MDN1: variants seen among roughly 807,000 people sequenced by gnomAD.
MDN1 encodes the protein midasin AAA ATPase 1.
MDN1 carries 266 observed loss-of-function variants against 669.2 expected under a neutral mutation model. That is an observed-to-expected ratio of 0.40 (90% CI 0.36 to 0.44). The LOEUF is 0.44. Among genes scored for constraint, MDN1 ranks in the 20% least tolerant of loss-of-function variants. MDN1 has a pLI of 1.00. For missense variants in MDN1, 5,940 were observed against 6,754.0 expected (o/e 0.88, Z 4.22); for synonymous variants, 2,385 against 2,457.1 (o/e 0.97, Z 0.87).
Position 89,732,741 on chromosome 6 carries a change from A to G in MDN1, c.4758T>C (p.Ile1586=). 6.2e-7 allele frequency: 1 copy of G among 1,614,140 alleles called. No homozygotes were observed. The highest frequency in any genetic ancestry group is 8.5e-7 in the Non-Finnish European group (1 of 1,180,002). The part of the protein sequence containing the change: ...SDIPEVMLDF[I]DWLTHQEFGR... ...CAAACTCTTGGTGGGTCAGCCAGTC[A>G]ATGAAATCCAGCATCACTTCAGGTA... Residue 1586 remains isoleucine, a synonymous_variant, in exon 34 of 102, where the codon ATT becomes ATC. Transcript: ENST00000369393.
At chr6:89,688,863 C>T (rs1812196240) in intron 65 of MDN1, 55 bp from the exon 66 acceptor site, 1 of 1,453,716 alleles carries the variant, frequency 6.9e-7, no homozygotes, top group Non-Finnish European at 9.6e-7. Flanking sequence ...GATCTATCAA[C>T]ATGTCAAAAA....
intron 2 of MDN1, among the ~76,000 whole-genome samples, chr6:89,802,015 T>C (rs1421427715): frequency 1.3e-5 from 2 of 152,114 alleles, no homozygotes; most frequent in Non-Finnish European, 2.9e-5. Context: ...TCTAACTTTC[T>C]GAAACTGTCT....
At position 89,684,968 on chromosome 6, in the gene MDN1, G is replaced by A. The variant is rs759453591; in HGVS notation, c.11737C>T (p.Leu3913=). ...TTGTAATAATGGTACAAATTCCATA[G>A]AACACTGCAAAGTGAATCTGGAAGA... The part of the protein sequence containing the change: ...VEGKDSLCSV[L]WNLYHYYKQF... The change falls in exon 71 of 102, where the codon CTA becomes TTA. Residue 3913 remains leucine, a synonymous_variant. Coordinates refer to ENST00000369393, the MANE Select transcript of MDN1 (RefSeq NM_014611.3). 2.5e-6 allele frequency: 4 copies of A among 1,611,744 alleles called. No homozygotes were observed. The highest frequency in any genetic ancestry group is 3.4e-6 in the Non-Finnish European group (4 of 1,178,124).
In MDN1 at chr6:89,738,423, T is replaced by C; in HGVS notation, c.4626A>G (p.Glu1542=). 1.2e-6 allele frequency: 2 copies of C among 1,614,150 alleles called. No individual in the cohort carries two copies. The highest frequency in any genetic ancestry group is 1.7e-6 in the Non-Finnish European group (2 of 1,180,008). Residue 1542 remains glutamate, a synonymous_variant, in exon 33 of 102, where the codon GAA becomes GAG. Transcript: ENST00000369393. ...LSPALRNRFT[E]IWCPQSTSRE... ...GGCTTGTGCTTTGAGGGCACCATAT[T>C]TCTGTAAACCGGTTTCTTAAGGCAG...
chr6:89,778,055 C>T (rs1818440575), intron 11 of MDN1, among the ~76,000 whole-genome samples: 2 of 152,144 alleles, frequency 1.3e-5, no homozygotes, highest in Non-Finnish European at 2.9e-5. Flanking sequence ...GATAAATTGT[C>T]TCTGTCTAGG....
chr6:89,652,706 G>GGTT (rs944373754), intron 94 of MDN1, among the ~76,000 whole-genome samples: 11 of 152,150 alleles, frequency 7.2e-5, no homozygotes, highest in Admixed American at 6.5e-4. Flanking sequence ...ACACAAGGAT[G>GGTT]GTTAGAAAAG....
intron 31 of MDN1, 108 bp from the exon 32 acceptor site, chr6:89,740,486 T>G: frequency 3.6e-6 from 4 of 1,110,778 alleles, no homozygotes; most frequent in Non-Finnish European, 4.9e-6. Context: ...TTCTACTGAA[T>G]TTTTACTTTA....
In MDN1 at chr6:89,664,631, AC is replaced by A. The variant is rs1298188775; in HGVS notation, c.14095-4del. 2.5e-6 allele frequency: 4 copies of A among 1,601,714 alleles called. No homozygotes were observed. In the Admixed American group the frequency reaches 6.9e-5, roughly 27 times the overall value. On this transcript the variant is annotated splice_polypyrimidine_tract_variant and splice_region_variant and intron_variant, in intron 84 of 101. Coordinates refer to ENST00000369393, the MANE Select transcript of MDN1 (RefSeq NM_014611.3). ...CCCTTCTGAAATGTATCTTCCACCT[AC>A]ATAAAGAAGTATTAAACATAAATAA...
intron 50 of MDN1, 121 bp from the exon 51 acceptor site, chr6:89,708,749 G>C: frequency 3.8e-6 from 4 of 1,059,270 alleles, no homozygotes; most frequent in South Asian, 3.0e-5. Flanking sequence ...ATGGGGAAGA[G>C]GTTGAACCAG....
Position 89,758,222 on chromosome 6 carries a change from A to G in MDN1, c.2702+33T>C. 4 of 1,553,086 alleles carry G rather than the reference A, an allele frequency of 2.6e-6. No individual in the cohort carries two copies. The East Asian group carries it at 6.8e-5, about 26-fold the overall frequency. On this transcript the variant is annotated intron_variant, in intron 19 of 101. Coordinates refer to ENST00000369393, the MANE Select transcript of MDN1 (RefSeq NM_014611.3). ...GGCAACAGAGCAAGAACCTGTTGCAAAAAAGGAAAGTCTCCAAGAACCAAA... is the reference window on the plus strand; with the variant it reads ...GGCAACAGAGCAAGAACCTGTTGCAGAAAAGGAAAGTCTCCAAGAACCAAA...
chr6:89,795,809 G>A (rs896762418), intron 2 of MDN1, among the ~76,000 whole-genome samples: 7 of 151,784 alleles, frequency 4.6e-5, no homozygotes, highest in Admixed American at 1.3e-4. Context: ...AAAATTAGCC[G>A]GGCATGGTGG....
In MDN1 at chr6:89,695,695, G is replaced by A. The variant is rs140206209; in HGVS notation, c.9681C>T (p.Leu3227=). The A allele has an allele frequency of 2.8e-5, 45 of 1,613,594 alleles. No homozygotes were observed. The Admixed American group carries it at 3.7e-4, about 13-fold the overall frequency. The change falls in exon 61 of 102, where the codon CTC becomes CTT. Residue 3227 remains leucine (L), a synonymous_variant. Transcript: ENST00000369393. The surrounding 1 kb of genome is among the most constrained non-coding windows in gnomAD (Gnocchi z 4.1). Reference sequence around the variant, plus strand: ...GCCATGTCTGAATCTGGAGCAAGCCGAGGCTCACCCAGAGGCTCCCACGCT... The same window carrying A: ...GCCATGTCTGAATCTGGAGCAAGCCAAGGCTCACCCAGAGGCTCCCACGCT... The part of the protein sequence containing the change: ...PAQRGSLWVS[L]GLLQIQTWLP...
chr6:89,716,939 T>C, intron 43 of MDN1, 130 bp from the exon 44 acceptor site: 1 of 1,035,034 alleles, frequency 9.7e-7, no homozygotes, highest in Non-Finnish European at 1.3e-6. Flanking sequence ...AATAGAAGAA[T>C]GTTTTGCTTC....
At chr6:89,677,093 G>GT (rs994254395) in intron 76 of MDN1, among the ~76,000 whole-genome samples, 10 of 149,954 alleles carry the variant, frequency 6.7e-5, no homozygotes, top group Non-Finnish European at 8.9e-5. Context: ...GAAAATAAAT[G>GT]TTTTTTTTCT....
chr6:89,752,211 G>A (rs1432553543), intron 22 of MDN1, among the ~76,000 whole-genome samples: 1 of 152,112 alleles, frequency 6.6e-6, no homozygotes, highest in Non-Finnish European at 1.5e-5. Context: ...ACACGTCTAG[G>A]CCCTGCTTTT....
chr6:89,683,761 G>T, intron 72 of MDN1, 70 bp downstream of exon 72: 1 of 1,121,678 alleles, frequency 8.9e-7, no homozygotes. Flanking sequence ...TGGTAACTAT[G>T]TCGTTTTGCT....
chr6:89,698,572 A>G (rs1055135534), intron 59 of MDN1, among the ~76,000 whole-genome samples: 1 of 152,242 alleles, frequency 6.6e-6, no homozygotes, highest in African/African-American at 2.4e-5. Context: ...ATTCTGTATT[A>G]TATATACATA....
intron 86 of MDN1, 146 bp from the exon 87 acceptor site, chr6:89,662,385 A>G: frequency 1.3e-6 from 1 of 757,838 alleles, no homozygotes; most frequent in Non-Finnish European, 2.1e-6. Flanking sequence ...ACCTAGAGAA[A>G]ACAGTGCAGG....
rs1160047505 is a variant in MDN1, at chr6:89,818,665, C to T, written c.102+841G>A. Among the ~76,000 whole-genome samples, 3 of 151,772 alleles carry T rather than the reference C, an allele frequency of 2.0e-5. No individual in the cohort carries two copies. In the East Asian group the frequency reaches 5.8e-4, roughly 30 times the overall value. ...TCTCTACTAAAAATACAAAAAGTAG[C>T]TAGGCATGGTGGCGCTCGCCTGTAA... On this transcript the variant is annotated intron_variant, in intron 1 of 101. Coordinates refer to ENST00000369393, the MANE Select transcript of MDN1 (RefSeq NM_014611.3).
Sources: allele counts gnomAD v4.1 joint callset (sites outside exome capture counted in the v4.1 genomes callset), GRCh38; gene constraint gnomAD v4.1.1; non-coding constraint Gnocchi (gnomAD v3.1); transcripts MANE v1.5; gene names NCBI Gene and HGNC (gene_info 2026-07-23, HGNC 2026-07-21).